The following MEOX1 variants were observed in gnomAD, a reference collection of about 807,000 sequenced individuals.
MEOX1 encodes homeobox protein MOX-1.
Under a neutral mutation model 23.2 loss-of-function variants are expected in MEOX1, and 17 were observed. The ratio of observed to expected loss-of-function variants is 0.73; its 90% CI spans 0.50 to 1.10. The LOEUF is 1.10. Among genes scored for constraint, MEOX1 ranks in the 50% least tolerant of loss-of-function variants. The pLI is 0.00. For missense variants in MEOX1, 333 were observed against 332.2 expected (o/e 1.00, Z -0.02); for synonymous variants, 134 against 135.1 (o/e 0.99, Z 0.06).
At chr17:43,658,988 G>T (rs929195115) in intron 1 of MEOX1, among the ~76,000 whole-genome samples, 48 of 152,232 alleles carry the variant, frequency 3.2e-4, no homozygotes, top group Non-Finnish European at 7.3e-5. Flanking sequence ...GAAGCATGCA[G>T]GCCGTTCAGC....
chr17:43,647,818 A>G (rs1972838850), intron 1 of MEOX1, among the ~76,000 whole-genome samples: 1 of 152,178 alleles, frequency 6.6e-6, no homozygotes. Context: ...AAACAGGAAG[A>G]AGAAGTCTGG....
chr17:43,661,227 C>A lies in MEOX1; in HGVS notation c.308G>T (p.Arg103Leu). 1 of 1,608,834 alleles carries A rather than the reference C, an allele frequency of 6.2e-7. No homozygotes were observed. The highest frequency in any genetic ancestry group is 8.5e-7 in the Non-Finnish European group (1 of 1,177,192). ...NWHFPVSDAR[R>L]RPNSGPAGGS... ...CCCTGCCGGGCCTGAGTTGGGCCTGCGCCGGGCGTCTGAGACAGGGAAGTG... is the reference window on the plus strand; with the variant it reads ...CCCTGCCGGGCCTGAGTTGGGCCTGAGCCGGGCGTCTGAGACAGGGAAGTG... The change falls in exon 1 of 3, where the codon CGC (arginine) becomes CTC (leucine). Residue 103 changes from arginine (R) to leucine (L), a missense_variant. By Grantham distance (102) the Arg-to-Leu change is moderately radical. Transcript: ENST00000318579.
In MEOX1 at chr17:43,661,130, C is replaced by T. The variant is rs1412668264; in HGVS notation, c.405G>A (p.Gly135=). The T allele has an allele frequency of 2.0e-6, 3 of 1,538,454 alleles. No homozygotes were observed. Among genetic ancestry groups the T allele is most frequent in the Admixed American group, 2.1e-5 (1 of 47,088 alleles). The change falls in exon 1 of 3, where the codon GGG becomes GGA. Residue 135 remains glycine, a synonymous_variant. Coordinates refer to ENST00000318579, the MANE Select transcript of MEOX1 (RefSeq NM_004527.4). ...TCTCATTGGCAGTGCTCCCAAGCAC[C>T]CCGTAGTCATCGCCTGGGCCTCCTG... ...DTTGGPGDDY[G]VLGSTANETE... is the part of the protein sequence containing the mutation.
intron 1 of MEOX1, among the ~76,000 whole-genome samples, chr17:43,650,017 C>T (rs1278008864): frequency 3.3e-5 from 5 of 152,202 alleles, no homozygotes; most frequent in Non-Finnish European, 5.9e-5. Context: ...CAGACAGACC[C>T]ATCCCTGTCT....
In MEOX1 at chr17:43,641,875, C is replaced by A. The variant is rs747128504; in HGVS notation, c.*35G>T. On this transcript the variant is annotated 3_prime_UTR_variant, in exon 3 of 3. Coordinates refer to ENST00000318579, the MANE Select transcript of MEOX1 (RefSeq NM_004527.4). Reference sequence around the variant, plus strand: ...GGGGTGGGGGTAGTTGGGTAGGGGGCTCAGTCCTTAGTCATTTTTCCTCCA... The same window carrying A: ...GGGGTGGGGGTAGTTGGGTAGGGGGATCAGTCCTTAGTCATTTTTCCTCCA... 3.1e-6 allele frequency: 5 copies of A among 1,592,928 alleles called. No homozygotes were observed. In the South Asian group the frequency reaches 5.7e-5, roughly 18 times the overall value.
intron 1 of MEOX1, among the ~76,000 whole-genome samples, chr17:43,657,052 T>TCTC (rs1567748398): frequency 1.8e-4 from 26 of 141,324 alleles, no homozygotes; most frequent in African/African-American, 6.7e-4. Flanking sequence ...CTTTCTTTCT[T>TCTC]TCTTTCCTTC....
intron 1 of MEOX1, among the ~76,000 whole-genome samples, chr17:43,658,593 A>G (rs981078138): frequency 2.0e-5 from 3 of 152,114 alleles, no homozygotes; most frequent in Non-Finnish European, 2.9e-5. Flanking sequence ...AAATATCACA[A>G]TTTTGGAGAG....
Position 43,661,736 on chromosome 17 carries a change from T to C in MEOX1, c.-202A>G. On this transcript the variant is annotated 5_prime_UTR_variant, in exon 1 of 3. Coordinates refer to ENST00000318579, the MANE Select transcript of MEOX1 (RefSeq NM_004527.4). ...AGTACACACACATGTGGCCAGCTAC[T>C]CCTATGTGTGTGCACACACCTATGT... The C allele has an allele frequency of 2.1e-6, 1 of 486,488 alleles. No homozygotes were observed. The highest frequency in any genetic ancestry group is 4.0e-5 in the South Asian group (1 of 25,152). 30.1% of individuals were successfully genotyped at this position (486,488 alleles called of 1,614,324 possible).
rs111252571 is a variant in MEOX1, at chr17:43,655,633, C to T, written c.469+5433G>A. On this transcript the variant is annotated intron_variant, in intron 1 of 2. Transcript: ENST00000318579. ...GAAGCCCTGAGTTCAACACCTGCCT[C>T]GGCAGCATAGCAAGACCCTGTCTTT... 8.4e-4 allele frequency among the ~76,000 whole-genome samples: 118 copies of T among 139,874 alleles called. 1 individual carries two copies. The highest frequency in any genetic ancestry group is 3.0e-3 in the African/African-American group (113 of 37,272). The allele number at this position is 139,874 out of a possible 152,430, so 91.8% of individuals were successfully genotyped here. A position where few individuals can be genotyped will look rare whatever the true frequency, so the allele number is the denominator to read the frequency against.
intron 1 of MEOX1, among the ~76,000 whole-genome samples, chr17:43,650,099 T>C (rs4792902): frequency 0.3 from 46,171 of 152,004 alleles, 8,565 homozygotes; most frequent in African/African-American, 0.53. Flanking sequence ...AATATCCAAA[T>C]CAGACAGGAT....
chr17:43,646,492 G>A (rs1972817462), intron 1 of MEOX1, among the ~76,000 whole-genome samples: 1 of 152,226 alleles, frequency 6.6e-6, no homozygotes, highest in Non-Finnish European at 1.5e-5. Context: ...CCTTTCCACG[G>A]TTGCGGGGAG....
rs553367693 is a variant in MEOX1, at chr17:43,660,720, A to G, written c.469+346T>C. Among the ~76,000 whole-genome samples, 37 of 152,280 alleles carry G rather than the reference A, an allele frequency of 2.4e-4. No individual in the cohort carries two copies. The Middle Eastern group carries it at 0.01, about 42-fold the overall frequency. ...TGGCCAAAGCATGGTGGGGAGGAGG[A>G]TGACTCAATGGCAGCCTGATTCAGG... is the stretch of plus-strand genomic sequence containing the variant. On this transcript the variant is annotated intron_variant, in intron 1 of 2. Coordinates refer to ENST00000318579, the MANE Select transcript of MEOX1 (RefSeq NM_004527.4).
rs867401522 is a variant in MEOX1 at position 43,655,007 on chromosome 17, G to A, written c.469+6059C>T. On this transcript the variant is annotated intron_variant, in intron 1 of 2. Transcript: ENST00000318579. Reference sequence around the variant, plus strand: ...GCGGAGCTTGCAGTGAGCTGAGATCGCGCCACTGCACTCTAGCCTGGGTGA... The same window carrying A: ...GCGGAGCTTGCAGTGAGCTGAGATCACGCCACTGCACTCTAGCCTGGGTGA... Among the ~76,000 whole-genome samples the A allele has an allele frequency of 1.1e-4, 17 of 151,830 alleles. 1 individual carries two copies. The Middle Eastern group carries it at 0.017, about 153-fold the overall frequency.
Position 43,655,340 on chromosome 17 carries a change from G to C in MEOX1, c.469+5726C>G, listed in dbSNP as rs557675090. On this transcript the variant is annotated intron_variant, in intron 1 of 2. Transcript: ENST00000318579. ...ACAAAAATTAGCTGGGCGTGGTGGC[G>C]TGTGCCTGTAGTCCCAGCTACTTGG... Among the ~76,000 whole-genome samples, 22 of 151,662 alleles carry C rather than the reference G, an allele frequency of 1.5e-4. No individual in the cohort carries two copies. In the South Asian group the frequency reaches 4.4e-3, roughly 30 times the overall value.
At chr17:43,649,509 G>C (rs552305061) in intron 1 of MEOX1, among the ~76,000 whole-genome samples, 1 of 152,056 alleles carries the variant, frequency 6.6e-6, no homozygotes, top group South Asian at 2.1e-4. Flanking sequence ...GTTTCTCCAC[G>C]TTGGCCAGGC....
At chr17:43,660,096 A>G (rs1189575357) in intron 1 of MEOX1, among the ~76,000 whole-genome samples, 2 of 152,230 alleles carry the variant, frequency 1.3e-5, no homozygotes, top group African/African-American at 4.8e-5. Context: ...GGAGGAAAAC[A>G]GGGCAGCACG....
At position 43,657,032 on chromosome 17, in the gene MEOX1, T is replaced by TTCTTTC. The variant is rs751975902; in HGVS notation, c.469+4028_469+4033dup. ...TCTTTCTCTTTCTTTCTTTCTTTCT[T>TTCTTTC]TCTTTCTTTCTTTCTTTCTTTCTTT... On this transcript the variant is annotated intron_variant, in intron 1 of 2. Coordinates refer to ENST00000318579, the MANE Select transcript of MEOX1 (RefSeq NM_004527.4). 8.1e-4 allele frequency among the ~76,000 whole-genome samples: 107 copies of TTCTTTC among 131,900 alleles called. 1 individual carries two copies. The highest frequency in any genetic ancestry group is 1.5e-3 in the Admixed American group (19 of 12,974). The allele number at this position is 131,900 out of a possible 152,430, so 86.5% of individuals were successfully genotyped here.
intron 1 of MEOX1, among the ~76,000 whole-genome samples, chr17:43,660,613 C>T (rs1973118110): frequency 6.6e-6 from 1 of 152,198 alleles, no homozygotes; most frequent in African/African-American, 2.4e-5. Flanking sequence ...AGGGTCCCAG[C>T]TTCAGTCTTA....
intron 1 of MEOX1, among the ~76,000 whole-genome samples, chr17:43,645,604 G>A (rs1972793448): frequency 1.3e-5 from 2 of 152,190 alleles, no homozygotes; most frequent in Non-Finnish European, 2.9e-5. Flanking sequence ...GTTGGAAGGA[G>A]GGATCTTCTG....
Sources: gnomAD v4.1 joint callset for allele counts (sites outside exome capture counted in the v4.1 genomes callset) on GRCh38, gnomAD v4.1.1 for gene constraint, MANE v1.5 for transcripts, NCBI Gene and HGNC (gene_info 2026-07-23, HGNC 2026-07-21) for gene names.